TULP4: variants seen among roughly 807,000 people sequenced by gnomAD.
TULP4 encodes tubby-related protein 4.
In TULP4, 16 loss-of-function variants were observed where a neutral mutation model predicts 129.0. The ratio of observed to expected loss-of-function variants is 0.12; its 90% CI spans 0.08 to 0.19. TULP4 has a LOEUF of 0.19. TULP4 is among the 10% of genes least tolerant of loss of function. The pLI is 1.00. For missense variants in TULP4, 1,842 were observed against 2,059.1 expected (o/e 0.89, Z 2.04); for synonymous variants, 998 against 854.0 (o/e 1.17, Z -2.94).
chr6:158,349,264 GCGCTCCT>G (rs1780419652), intron 1 of TULP4, among the ~76,000 whole-genome samples: 1 of 138,540 alleles, frequency 7.2e-6, no homozygotes, highest in Non-Finnish European at 1.6e-5. Flanking sequence ...CCGGGCAGAG[GCGCTCCT>G]CACCTCCCAG....
rs9457371 is a variant in TULP4 at position 158,391,822 on chromosome 6, C to T, written c.253-21243C>T. On this transcript the variant is annotated intron_variant, in intron 1 of 13. Transcript: ENST00000367097. The stretch of plus-strand genomic sequence containing the variant: ...CATTCATTTTACTTATGGAGAGCCA[C>T]CTAATGTTACCTCTAGTGGCTAAGC... Among the ~76,000 whole-genome samples the T allele has an allele frequency of 3.3e-3, 384 of 115,500 alleles. 6 individuals carry two copies. The highest frequency in any genetic ancestry group is 0.012 in the African/African-American group (371 of 29,956). The allele number at this position is 115,500 out of a possible 152,430, so 75.8% of individuals were successfully genotyped here.
intron 1 of TULP4, among the ~76,000 whole-genome samples, chr6:158,262,827 T>G (rs1316214293): frequency 6.6e-6 from 1 of 151,608 alleles, no homozygotes; most frequent in Admixed American, 6.6e-5. Flanking sequence ...TGCAGCCGGT[T>G]GTGGACATTT....
chr6:158,367,535 C>T (rs1032033670), intron 1 of TULP4, among the ~76,000 whole-genome samples: 21 of 152,240 alleles, frequency 1.4e-4, no homozygotes, highest in African/African-American at 5.1e-4. Flanking sequence ...AATCTGTTTT[C>T]AAAAATAGAC....
At chr6:158,322,308 T>G (rs1356435170) in intron 1 of TULP4, among the ~76,000 whole-genome samples, 1 of 152,204 alleles carries the variant, frequency 6.6e-6, no homozygotes, top group Non-Finnish European at 1.5e-5. Context: ...CTGTTTTATT[T>G]CCTTTAGTGA....
At chr6:158,314,467 G>T (rs190218278) in intron 1 of TULP4, among the ~76,000 whole-genome samples, 199 bp downstream of exon 1, 1 of 152,186 alleles carries the variant, frequency 6.6e-6, no homozygotes, top group Non-Finnish European at 1.5e-5. Context: ...GCCTCCCCAG[G>T]TGGGTCAGTT....
At chr6:158,396,689 TC>T (rs1366242955) in intron 1 of TULP4, among the ~76,000 whole-genome samples, 1 of 152,202 alleles carries the variant, frequency 6.6e-6, no homozygotes, top group Non-Finnish European at 1.5e-5. Flanking sequence ...TAACCCCACT[TC>T]CTAGAAATAA....
At chr6:158,258,936 A>G (rs1017552572) in intron 1 of TULP4, among the ~76,000 whole-genome samples, 6 of 152,226 alleles carry the variant, frequency 3.9e-5, no homozygotes, top group African/African-American at 7.2e-5. Flanking sequence ...ATAAATATAA[A>G]TATTCTAAAT....
chr6:158,461,564 G>A lies in TULP4; in HGVS notation c.861G>A (p.Glu287=). The A allele has an allele frequency of 8.7e-6, 14 of 1,612,980 alleles. No individual in the cohort carries two copies. The highest frequency in any genetic ancestry group is 1.2e-5 in the Non-Finnish European group (14 of 1,179,576). The change falls in exon 6 of 14, where the codon GAG becomes GAA. Residue 287 remains glutamate, a splice_region_variant and synonymous_variant. Transcript: ENST00000367097. ...CTGACCCTCTCTCCTCTGTTTCAGA[G>A]GTGGTAGCCCAGTGGTGCACACAGG... The part of the protein sequence containing the change: ...SPTVIRSGLK[E]VVAQWCTQGD...
At chr6:158,308,829 C>T (rs531691085), upstream of TULP4, among the ~76,000 whole-genome samples, 65 of 85,634 alleles carry the variant, frequency 7.6e-4, no homozygotes, top group South Asian at 1.2e-3. Flanking sequence ...CCAGTAGGGG[C>T]GGCCGGGCAG....
chr6:158,446,772 C>T, intron 3 of TULP4, among the ~76,000 whole-genome samples: 1 of 152,194 alleles, frequency 6.6e-6, no homozygotes, highest in Non-Finnish European at 1.5e-5. Context: ...AGGCTGACTC[C>T]TGGCTTGCGT....
intron 2 of TULP4, among the ~76,000 whole-genome samples, chr6:158,423,076 A>C (rs546145419): frequency 9.3e-5 from 13 of 140,414 alleles, no homozygotes; most frequent in Admixed American, 5.9e-4. Flanking sequence ...CAGGAAGTGG[A>C]GACCTGCCTG....
At chr6:158,253,270 C>G (rs1170881766) in intron 1 of TULP4, among the ~76,000 whole-genome samples, 1 of 152,228 alleles carries the variant, frequency 6.6e-6, no homozygotes, top group Non-Finnish European at 1.5e-5. Flanking sequence ...ACATCACCCT[C>G]CAGGATCTAG....
At chr6:158,359,495 T>C (rs828000) in intron 1 of TULP4, among the ~76,000 whole-genome samples, 140,840 of 152,212 alleles carry the variant, frequency 0.93, 65,215 homozygotes, top group Admixed American at 0.95. Context: ...ACTTGGAGTA[T>C]GATGTTTGAG....
intron 1 of TULP4, among the ~76,000 whole-genome samples, chr6:158,364,239 G>T (rs1374475541): frequency 6.6e-6 from 1 of 152,198 alleles, no homozygotes; most frequent in African/African-American, 2.4e-5. Context: ...TTAAAATATG[G>T]AAGTGTGAAA....
rs538833598 is a variant in TULP4, at chr6:158,380,586, T to C, written c.253-32479T>C. Among the ~76,000 whole-genome samples, 23 of 152,232 alleles carry C rather than the reference T, an allele frequency of 1.5e-4. 1 individual carries two copies. The South Asian group carries it at 4.4e-3, about 29-fold the overall frequency. Reference sequence around the variant, plus strand: ...ATTTAATAAGAGCCCAGATGCAATATGCCAGGCTTCAGATAAAAAGACAGG... The same window carrying C: ...ATTTAATAAGAGCCCAGATGCAATACGCCAGGCTTCAGATAAAAAGACAGG... On this transcript the variant is annotated intron_variant, in intron 1 of 13. Transcript: ENST00000367097.
intron 1 of TULP4, among the ~76,000 whole-genome samples, chr6:158,384,861 G>A (rs1222570417): frequency 6.6e-6 from 1 of 152,108 alleles, no homozygotes; most frequent in East Asian, 1.9e-4. Context: ...TAGTGTGAAG[G>A]GCTTATCTCA....
intron 2 of TULP4, among the ~76,000 whole-genome samples, chr6:158,419,872 A>G (rs1318346813): frequency 1.3e-5 from 2 of 152,240 alleles, no homozygotes; most frequent in African/African-American, 4.8e-5. Context: ...CCATTGACAT[A>G]CTCAGACATT....
At chr6:158,411,329 G>T (rs1778097025) in intron 1 of TULP4, among the ~76,000 whole-genome samples, 1 of 152,090 alleles carries the variant, frequency 6.6e-6, no homozygotes, top group South Asian at 2.1e-4. Context: ...GTGGGGGGTG[G>T]GTGGTGTTCA....
chr6:158,282,542 G>A (rs899612371), intron 1 of TULP4, among the ~76,000 whole-genome samples: 2 of 150,840 alleles, frequency 1.3e-5, no homozygotes, highest in South Asian at 2.1e-4. Flanking sequence ...CCTGCTACCC[G>A]GTGTCTACTC....
Sources: gnomAD v4.1 joint callset for allele counts (sites outside exome capture counted in the v4.1 genomes callset) on GRCh38, gnomAD v4.1.1 for gene constraint, MANE v1.5 for transcripts, NCBI Gene and HGNC (gene_info 2026-07-23, HGNC 2026-07-21) for gene names.